ARHGEF38: variants seen among roughly 807,000 people sequenced by gnomAD.
ARHGEF38 encodes Rho guanine nucleotide exchange factor 38.
ARHGEF38 carries 79 observed loss-of-function variants against 79.9 expected under a neutral mutation model. The ratio of observed to expected loss-of-function variants is 0.99; its 90% confidence interval spans 0.82 to 1.19. The LOEUF (loss-of-function observed/expected upper bound fraction) is 1.19, where lower values mean the gene tolerates loss of function less well. Ranked by LOEUF, ARHGEF38 falls within the 50% of genes most tolerant of loss-of-function variation. ARHGEF38 has a pLI of 0.00. For missense variants in ARHGEF38, 962 were observed against 907.2 expected, an observed-to-expected ratio of 1.06 and a Z score of -0.78; for synonymous variants, 366 against 328.3, an observed-to-expected ratio of 1.11 and a Z score of -1.24.
chr4:105,561,538 T>TAGAAA (rs1725626055), intron 1 of ARHGEF38: 2 of 148,636 alleles, frequency 1.3e-5, no homozygotes, highest in African/African-American at 2.5e-5. Context: ...TAGAATAGAA[T>TAGAAA]AGAAAAGTTT....
chr4:105,588,188 A>G (rs1043387747), intron 1 of ARHGEF38, among the ~76,000 whole-genome samples: 2 of 152,158 alleles, frequency 1.3e-5, no homozygotes, highest in Non-Finnish European at 2.9e-5. Flanking sequence ...TGACCTGTAC[A>G]TTTATTTTTT....
At chr4:105,594,991 G>A (rs906184549) in intron 2 of ARHGEF38, among the ~76,000 whole-genome samples, 1 of 152,224 alleles carries the variant, frequency 6.6e-6, no homozygotes, top group Non-Finnish European at 1.5e-5. Context: ...TCAAACTAGA[G>A]TAGACTAATC....
At chr4:105,649,698 G>A (rs570484702) in intron 7 of ARHGEF38, among the ~76,000 whole-genome samples, 1 of 152,226 alleles carries the variant, frequency 6.6e-6, no homozygotes, top group Admixed American at 6.5e-5. Flanking sequence ...AGATGGCTTT[G>A]GCAGCTGCTG....
chr4:105,567,164 C>G lies in ARHGEF38; in HGVS notation c.196+14203C>G, dbSNP rs1036727836. ...TTTTTTCACTTAACATAATGGCCTC[C>G]AGTTCCATCCATGTTGTTGCAAATG... On this transcript the variant is annotated intron_variant, in intron 1 of 13. Transcript: ENST00000420470. Among the ~76,000 whole-genome samples, 3 of 152,306 alleles carry G rather than the reference C, an allele frequency of 2.0e-5. 1 individual carries two copies. Among genetic ancestry groups the G allele is most frequent in the South Asian group, 4.1e-4 (2 of 4,824 alleles).
intron 1 of ARHGEF38, among the ~76,000 whole-genome samples, chr4:105,557,902 C>A (rs1348009784): frequency 1.3e-5 from 2 of 152,134 alleles, no homozygotes; most frequent in East Asian, 1.9e-4. Context: ...AATTTTCTGG[C>A]CAGTGCATAT....
At chr4:105,626,179 C>T (rs1476778371) in intron 3 of ARHGEF38, among the ~76,000 whole-genome samples, 1 of 152,156 alleles carries the variant, frequency 6.6e-6, no homozygotes, top group African/African-American at 2.4e-5. Context: ...CTCAATACAT[C>T]TGAAATTAAA....
chr4:105,623,469 G>A (rs973108706), intron 3 of ARHGEF38, among the ~76,000 whole-genome samples: 1 of 152,108 alleles, frequency 6.6e-6, no homozygotes, highest in Non-Finnish European at 1.5e-5. Flanking sequence ...CTAAGACAGG[G>A]TTTTCCTCAG....
chr4:105,664,013 A>G (rs1018689989), intron 10 of ARHGEF38, among the ~76,000 whole-genome samples: 1 of 151,860 alleles, frequency 6.6e-6, no homozygotes, highest in Non-Finnish European at 1.5e-5. Flanking sequence ...AAAAAACCCT[A>G]AAGCACATTT....
At chr4:105,674,898 T>A (rs1298160775) in intron 13 of ARHGEF38, among the ~76,000 whole-genome samples, 1 of 152,116 alleles carries the variant, frequency 6.6e-6, no homozygotes, top group Non-Finnish European at 1.5e-5. Context: ...TAGTAGGCAA[T>A]CTAACCTGCT....
chr4:105,555,417 T>A (rs879621528), intron 1 of ARHGEF38, among the ~76,000 whole-genome samples: 19 of 152,196 alleles, frequency 1.2e-4, no homozygotes, highest in Non-Finnish European at 1.9e-4. Context: ...CTCATTAATG[T>A]TCAAAGCAAT....
chr4:105,573,397 A>G (rs1177826184), intron 1 of ARHGEF38, among the ~76,000 whole-genome samples: 2 of 152,112 alleles, frequency 1.3e-5, no homozygotes, highest in Non-Finnish European at 2.9e-5. Flanking sequence ...TCTGAGTTAA[A>G]TTTTGTATGT....
intron 2 of ARHGEF38, among the ~76,000 whole-genome samples, chr4:105,612,926 G>C (rs1305305399): frequency 2.0e-5 from 3 of 151,962 alleles, no homozygotes; most frequent in African/African-American, 7.2e-5. Context: ...GAAAAAAAAA[G>C]GAAAAAGCAA....
chr4:105,566,097 A>C (rs1368095753), intron 1 of ARHGEF38, among the ~76,000 whole-genome samples: 1 of 152,126 alleles, frequency 6.6e-6, no homozygotes, highest in Non-Finnish European at 1.5e-5. Flanking sequence ...GAATCTAATC[A>C]TGTCCCTCAT....
chr4:105,661,074 T>C (rs956193340), intron 10 of ARHGEF38, among the ~76,000 whole-genome samples: 1 of 152,228 alleles, frequency 6.6e-6, no homozygotes, highest in Non-Finnish European at 1.5e-5. Context: ...ATAAATGAAA[T>C]CATACAGTAC....
rs1257733236 is a variant in ARHGEF38 at position 105,565,363 on chromosome 4, C to T, written c.196+12402C>T. Among the ~76,000 whole-genome samples, 11 of 152,072 alleles carry T rather than the reference C, an allele frequency of 7.2e-5. 1 individual carries two copies. The highest frequency in any genetic ancestry group is 7.2e-4 in the Admixed American group (11 of 15,262). On this transcript the variant is annotated intron_variant, in intron 1 of 13. Coordinates refer to ENST00000420470, the MANE Select transcript of ARHGEF38 (RefSeq NM_001242729.2). ...TTCATCTTTCTGTGGGTCAGATTTCCATTGAAACTGATTTTAAACGATAAA... is the reference window on the plus strand; with the variant it reads ...TTCATCTTTCTGTGGGTCAGATTTCTATTGAAACTGATTTTAAACGATAAA...
At chr4:105,627,939 G>T (rs10007278) in intron 3 of ARHGEF38, among the ~76,000 whole-genome samples, 44,439 of 151,874 alleles carry the variant, frequency 0.29, 10,446 homozygotes, top group African/African-American at 0.65. Flanking sequence ...GGCCTTTGGG[G>T]GAATAAATGA....
At chr4:105,626,548 G>A (rs1238541015) in intron 3 of ARHGEF38, among the ~76,000 whole-genome samples, 1 of 152,090 alleles carries the variant, frequency 6.6e-6, no homozygotes, top group African/African-American at 2.4e-5. Context: ...TTGAACCCAG[G>A]AAGTCGACTC....
At chr4:105,626,154 A>C (rs1174220982) in intron 3 of ARHGEF38, among the ~76,000 whole-genome samples, 1 of 152,194 alleles carries the variant, frequency 6.6e-6, no homozygotes, top group Non-Finnish European at 1.5e-5. Context: ...TTGAATATAC[A>C]ATAAGCAACT....
intron 13 of ARHGEF38, among the ~76,000 whole-genome samples, chr4:105,675,850 T>A (rs1433803874): frequency 6.6e-6 from 1 of 152,182 alleles, no homozygotes; most frequent in Non-Finnish European, 1.5e-5. Flanking sequence ...CTTTTGGGCT[T>A]CTTTTAAAGA....
Sources: allele counts gnomAD v4.1 joint callset (sites outside exome capture counted in the v4.1 genomes callset), GRCh38; gene constraint gnomAD v4.1.1; transcripts MANE v1.5; gene names NCBI Gene and HGNC (gene_info 2026-07-23, HGNC 2026-07-21).